The following IQGAP3 variants were observed in gnomAD, a reference collection of about 807,000 sequenced individuals.
IQGAP3 encodes ras GTPase-activating-like protein IQGAP3.
Under a neutral mutation model 208.2 loss-of-function variants are expected in IQGAP3, and 165 were observed. That is an observed-to-expected ratio of 0.79 (90% CI 0.70 to 0.90). The LOEUF is 0.90. IQGAP3 is among the 40% of genes least tolerant of loss of function. The pLI is 0.00. For synonymous variants in IQGAP3, 703 were observed against 803.6 expected (o/e 0.87, Z 2.12); for missense variants, 1,811 against 2,043.1 (o/e 0.89, Z 2.19).
At position 156,534,875 on chromosome 1, in the gene IQGAP3, A is replaced by C. The variant is rs1174680757; in HGVS notation, c.3508-142T>G. The C allele has an allele frequency of 4.4e-6, 3 of 676,544 alleles. No individual in the cohort carries two copies. In the East Asian group the frequency reaches 8.4e-5, roughly 19 times the overall value. 41.9% of individuals were successfully genotyped at this position (676,544 alleles called of 1,614,324 possible). On this transcript the variant is annotated intron_variant, in intron 28 of 37. Coordinates refer to ENST00000361170, the MANE Select transcript of IQGAP3 (RefSeq NM_178229.5). ...GAAAACAGGCCCAGAGCAGGCAGACAACTTGCTTAAGGCCACACAGCAAAC... is the reference window on the plus strand; with the variant it reads ...GAAAACAGGCCCAGAGCAGGCAGACCACTTGCTTAAGGCCACACAGCAAAC...
At chr1:156,561,656 G>A (rs1390665462) in intron 10 of IQGAP3, among the ~76,000 whole-genome samples, 182 bp downstream of exon 10, 1 of 152,156 alleles carries the variant, frequency 6.6e-6, no homozygotes, top group African/African-American at 2.4e-5. Flanking sequence ...TCAGCCTGGG[G>A]GACTCTCAGG....
intron 26 of IQGAP3, 71 bp from the exon 27 acceptor site, chr1:156,537,392 C>A: frequency 7.0e-7 from 1 of 1,428,678 alleles, no homozygotes; most frequent in Non-Finnish European, 9.4e-7. Flanking sequence ...GGCCCTATTC[C>A]TTAAACGCTT....
At chr1:156,572,360 C>CCCA in intron 1 of IQGAP3, 133 bp downstream of exon 1, 1 of 954,268 alleles carries the variant, frequency 1.0e-6, no homozygotes, top group East Asian at 2.4e-5. Context: ...GGATTCCCGT[C>CCCA]CCACTGAGCA....
At chr1:156,549,065 C>T (rs1365260546) in intron 16 of IQGAP3, among the ~76,000 whole-genome samples, 1 of 152,156 alleles carries the variant, frequency 6.6e-6, no homozygotes, top group East Asian at 1.9e-4. Context: ...TGGCTCCTGC[C>T]TGTAATCCCA....
chr1:156,544,496 A>T (rs762570339), intron 19 of IQGAP3, 24 bp from the exon 20 acceptor site: 6 of 1,597,020 alleles, frequency 3.8e-6, no homozygotes, highest in Admixed American at 3.3e-5. Flanking sequence ...GAGAAAGGGA[A>T]GTAACTCAAG....
intron 33 of IQGAP3, 70 bp from the exon 34 acceptor site, chr1:156,530,387 C>A (rs1674335006): frequency 1.7e-5 from 23 of 1,351,594 alleles, no homozygotes; most frequent in Middle Eastern, 2.5e-4. Flanking sequence ...GTGAAGGTCC[C>A]ATGGGCACCA....
At position 156,562,105 on chromosome 1, in the gene IQGAP3, C is replaced by T; in HGVS notation, c.878-104G>A. 3.8e-6 allele frequency: 4 copies of T among 1,056,924 alleles called. No individual in the cohort carries two copies. The South Asian group carries it at 5.0e-5, about 13-fold the overall frequency. 65.5% of individuals were successfully genotyped at this position (1,056,924 alleles called of 1,614,324 possible). Reference sequence around the variant, plus strand: ...CCCTCTTCTTGCCTGCCCGGAATTACCCCCACCCTTTCCCCCTTGGTTCCT... The same window carrying T: ...CCCTCTTCTTGCCTGCCCGGAATTATCCCCACCCTTTCCCCCTTGGTTCCT... On this transcript the variant is annotated intron_variant, in intron 9 of 37. Coordinates refer to ENST00000361170, the MANE Select transcript of IQGAP3 (RefSeq NM_178229.5).
chr1:156,538,545 C>T (rs568129553), intron 26 of IQGAP3, among the ~76,000 whole-genome samples: 2 of 152,358 alleles, frequency 1.3e-5, no homozygotes, highest in East Asian at 3.9e-4. Context: ...CAATTAAGCA[C>T]ATTTGCATAT....
rs370387783 is a variant in IQGAP3 at position 156,548,060 on chromosome 1, C to T, written c.2304+13G>A. ...CCCAGGCCCTGAAGACTGAGAAAGC[C>T]AGAGCCTGCCACCTGGATCTTGATG... On this transcript the variant is annotated intron_variant, in intron 19 of 37. Coordinates refer to ENST00000361170, the MANE Select transcript of IQGAP3 (RefSeq NM_178229.5). 1 of 1,609,962 alleles carries T rather than the reference C, an allele frequency of 6.2e-7. No homozygotes were observed. The highest frequency in any genetic ancestry group is 8.5e-7 in the Non-Finnish European group (1 of 1,178,090).
At chr1:156,533,605 T>C (rs1029160918) in intron 31 of IQGAP3, among the ~76,000 whole-genome samples, 168 bp downstream of exon 31, 1 of 152,102 alleles carries the variant, frequency 6.6e-6, no homozygotes, top group Non-Finnish European at 1.5e-5. Flanking sequence ...CTTCTCCACA[T>C]CAATCTGTGT....
At chr1:156,559,562 A>AG (rs1247340846) in intron 11 of IQGAP3, among the ~76,000 whole-genome samples, 5 of 152,222 alleles carry the variant, frequency 3.3e-5, no homozygotes, top group Non-Finnish European at 7.4e-5. Flanking sequence ...ATGGCAGAGC[A>AG]GGGGAGGAGG....
At chr1:156,547,925 A>AT (rs1243942745) in intron 19 of IQGAP3, 148 bp downstream of exon 19, 1 of 717,302 alleles carries the variant, frequency 1.4e-6, no homozygotes, top group Non-Finnish European at 2.3e-6. Flanking sequence ...TCAAACATAC[A>AT]TGGTCTGGCT....
chr1:156,551,684 C>A, intron 15 of IQGAP3, 21 bp downstream of exon 15: 4 of 1,596,776 alleles, frequency 2.5e-6, no homozygotes, highest in Non-Finnish European at 3.4e-6. Flanking sequence ...TGATGACCAA[C>A]CCAACCAGCC....
chr1:156,528,881 T>A (rs1171564), intron 35 of IQGAP3, 35 bp downstream of exon 35: 576,846 of 1,612,040 alleles, frequency 0.36, 116,633 homozygotes, highest in African/African-American at 0.76. Context: ...GAGAAGTCAC[T>A]CGTAACCTTC....
At chr1:156,538,470 G>A (rs1167046819) in intron 26 of IQGAP3, among the ~76,000 whole-genome samples, 2 of 152,176 alleles carry the variant, frequency 1.3e-5, no homozygotes, top group South Asian at 4.1e-4. Flanking sequence ...GATTACAGGC[G>A]TGAGCCACTA....
chr1:156,548,320 C>A, intron 18 of IQGAP3, 28 bp downstream of exon 18: 6 of 1,611,204 alleles, frequency 3.7e-6, no homozygotes, highest in South Asian at 2.2e-5. Context: ...TATCCAAGAT[C>A]CCCTACCCTT....
chr1:156,561,976 A>C lies in IQGAP3; in HGVS notation c.903T>G (p.Asp301Glu), dbSNP rs1294546084. Residue 301 changes from aspartate (D) to glutamate (E), a missense_variant, in exon 10 of 38, where the codon GAT becomes GAG. Coordinates refer to ENST00000361170, the MANE Select transcript of IQGAP3 (RefSeq NM_178229.5). ...VNVHGALEVV[D>E]DALERQSPEA... The stretch of plus-strand genomic sequence containing the variant: ...CAGGGCTCTGTCTTTCCAGGGCATC[A>C]TCAACAACTTCTAGAGCCCCATGGA... The C allele has an allele frequency of 1.9e-6, 3 of 1,613,172 alleles. No individual in the cohort carries two copies. In the East Asian group the frequency reaches 6.7e-5, roughly 36 times the overall value.
Position 156,563,756 on chromosome 1 carries a change from C to G in IQGAP3, c.505+1G>C, listed in dbSNP as rs142096122. The stretch of plus-strand genomic sequence containing the variant: ...GTGGTCAGGGAAGGAGCTGGGCTTA[C>G]CTGTGAATTTCACTTTCCCGTATAG... On this transcript the variant is annotated splice_donor_variant, in intron 6 of 37. Coordinates refer to ENST00000361170, the MANE Select transcript of IQGAP3 (RefSeq NM_178229.5). LOFTEE classifies it high-confidence loss of function. The G allele has an allele frequency of 3.7e-6, 6 of 1,613,564 alleles. No individual in the cohort carries two copies. Among genetic ancestry groups the G allele is most frequent in the South Asian group, 1.1e-5 (1 of 90,970 alleles).
At chr1:156,566,861 C>T (rs1778824) in intron 2 of IQGAP3, among the ~76,000 whole-genome samples, 141,975 of 147,546 alleles carry the variant, frequency 0.96, 68,427 homozygotes, top group East Asian at 1. Flanking sequence ...TAGTTACATG[C>T]TTTTTTTTTT....
Sources: allele counts gnomAD v4.1 joint callset (sites outside exome capture counted in the v4.1 genomes callset), GRCh38; gene constraint gnomAD v4.1.1; transcripts MANE v1.5; gene names NCBI Gene and HGNC (gene_info 2026-07-23, HGNC 2026-07-21).